The following ZCCHC4 variants were observed in gnomAD, a reference collection of about 807,000 sequenced individuals.
ZCCHC4 encodes rRNA N(6)-adenosine-methyltransferase ZCCHC4.
A neutral mutation model predicts 67.7 loss-of-function variants in ZCCHC4; 54 were observed. The ratio of observed to expected loss-of-function variants is 0.80; its 90% confidence interval spans 0.64 to 1.00. The LOEUF (loss-of-function observed/expected upper bound fraction) is 1.00. Ranked by LOEUF, ZCCHC4 falls within the 50% of genes least tolerant of loss-of-function variation. The pLI is 0.00. For missense variants in ZCCHC4, 609 were observed against 617.0 expected, an observed-to-expected ratio of 0.99 and a Z score of 0.14; for synonymous variants, 198 against 213.5, an observed-to-expected ratio of 0.93 and a Z score of 0.63.
chr4:25,361,762 A>G lies in ZCCHC4; in HGVS notation c.1012-97A>G. The G allele has an allele frequency of 7.2e-6, 9 of 1,249,418 alleles. 1 individual carries two copies. Among genetic ancestry groups the G allele is most frequent in the African/African-American group, 6.0e-5 (4 of 66,618 alleles). 77.4% of individuals were successfully genotyped at this position (1,249,418 alleles called of 1,614,324 possible). On this transcript the variant is annotated intron_variant, in intron 8 of 12. Transcript: ENST00000302874. ...CTTGGCATGACAAATACTTTAACTC[A>G]TATATTGGCATCAGTTTGTTCGTTT...
chr4:25,363,525 G>A (rs1171823607), intron 10 of ZCCHC4, among the ~76,000 whole-genome samples: 2 of 152,044 alleles, frequency 1.3e-5, no homozygotes, highest in East Asian at 3.8e-4. Context: ...GGTCAGAAAG[G>A]GCCTGTGAAG....
intron 3 of ZCCHC4, among the ~76,000 whole-genome samples, chr4:25,330,784 TGG>T (rs1719141089): frequency 3.3e-5 from 5 of 152,216 alleles, no homozygotes; most frequent in Admixed American, 3.3e-4. Flanking sequence ...TCTGGCTTGT[TGG>T]GAGACAAACC....
At chr4:25,368,813 T>C (rs1266918410) in intron 12 of ZCCHC4, among the ~76,000 whole-genome samples, 2 of 152,246 alleles carry the variant, frequency 1.3e-5, no homozygotes, top group African/African-American at 2.4e-5. Flanking sequence ...TAACCATCTT[T>C]TAAAGAATTT....
chr4:25,345,448 G>T, intron 5 of ZCCHC4, 100 bp from the exon 6 acceptor site: 1 of 752,678 alleles, frequency 1.3e-6, no homozygotes, highest in South Asian at 1.8e-5. Context: ...ACTAAAAAAT[G>T]AAATTTTTTA....
At chr4:25,364,745 A>G (rs76000478) in intron 11 of ZCCHC4, among the ~76,000 whole-genome samples, 1,849 of 152,340 alleles carry the variant, frequency 0.012, 47 homozygotes, top group African/African-American at 0.039. Context: ...TTAATAAGGC[A>G]TTGTGTCACT....
intron 3 of ZCCHC4, among the ~76,000 whole-genome samples, chr4:25,319,694 A>G (rs978960667): frequency 1.3e-5 from 2 of 151,998 alleles, no homozygotes; most frequent in African/African-American, 2.4e-5. Context: ...TAAATAACCT[A>G]TTCTCTTTGT....
At chr4:25,329,431 C>T (rs964461220) in intron 3 of ZCCHC4, among the ~76,000 whole-genome samples, 3 of 149,152 alleles carry the variant, frequency 2.0e-5, no homozygotes, top group African/African-American at 7.4e-5. Context: ...CAAAGCTTTT[C>T]GCTTTAGCCC....
At chr4:25,351,777 A>C in intron 8 of ZCCHC4, 88 bp downstream of exon 8, 1 of 1,250,958 alleles carries the variant, frequency 8.0e-7, no homozygotes, top group Non-Finnish European at 1.1e-6. Context: ...TTTTAGTAAA[A>C]TACAATGAGC....
At chr4:25,349,723 G>C in intron 7 of ZCCHC4, 81 bp downstream of exon 7, 1 of 1,439,620 alleles carries the variant, frequency 6.9e-7, no homozygotes, top group African/African-American at 1.4e-5. Flanking sequence ...CAGTGAATCA[G>C]AGCAGTGATA....
At chr4:25,344,379 G>A (rs375541196) in intron 5 of ZCCHC4, among the ~76,000 whole-genome samples, 39 of 146,674 alleles carry the variant, frequency 2.7e-4, no homozygotes, top group Non-Finnish European at 4.5e-4. Flanking sequence ...ACCAAACACC[G>A]CATGTTCTCA....
intron 5 of ZCCHC4, among the ~76,000 whole-genome samples, chr4:25,342,721 T>A (rs144558868): frequency 3.5e-4 from 53 of 152,206 alleles, no homozygotes; most frequent in Non-Finnish European, 6.0e-4. Flanking sequence ...GTTTGCCTTA[T>A]TCAATGGAGA....
intron 3 of ZCCHC4, among the ~76,000 whole-genome samples, chr4:25,324,546 T>C (rs1718760164): frequency 6.6e-6 from 1 of 152,182 alleles, no homozygotes; most frequent in Admixed American, 6.5e-5. Context: ...TATGGACTCA[T>C]GGTTTTATTT....
intron 5 of ZCCHC4, among the ~76,000 whole-genome samples, chr4:25,335,130 A>T (rs1719386822): frequency 6.6e-6 from 1 of 152,212 alleles, no homozygotes. Context: ...ACAGATTTTT[A>T]AAGTGTAAAA....
intron 6 of ZCCHC4, among the ~76,000 whole-genome samples, chr4:25,347,336 TC>T (rs374925198): frequency 8.1e-4 from 124 of 152,358 alleles, no homozygotes; most frequent in Middle Eastern, 3.4e-3. Flanking sequence ...AGCCTTTTTT[TC>T]GAAACTCTTT....
chr4:25,332,213 C>A (rs1157322848), intron 3 of ZCCHC4, among the ~76,000 whole-genome samples: 1 of 148,440 alleles, frequency 6.7e-6, no homozygotes, highest in Non-Finnish European at 1.5e-5. Flanking sequence ...GAGGCCCAGG[C>A]AGGAGAATCA....
chr4:25,327,786 A>C (rs1718968183), intron 3 of ZCCHC4, among the ~76,000 whole-genome samples: 1 of 152,056 alleles, frequency 6.6e-6, no homozygotes, highest in Non-Finnish European at 1.5e-5. Context: ...CCAGCCTGAG[A>C]ATCTTTATCA....
intron 3 of ZCCHC4, among the ~76,000 whole-genome samples, chr4:25,323,160 T>A (rs1323725743): frequency 6.6e-6 from 1 of 152,258 alleles, no homozygotes. Flanking sequence ...TAACTGATGA[T>A]CATTGCCCAG....
rs3752873 is a variant in ZCCHC4, at chr4:25,362,237, C to G, written c.1145C>G (p.Pro382Arg). 1.2e-6 allele frequency: 2 copies of G among 1,610,682 alleles called. No homozygotes were observed. The highest frequency in any genetic ancestry group is 1.7e-6 in the Non-Finnish European group (2 of 1,178,110). ...GTCCTTTACTCTAGATTTTGCTCTC[C>G]GTGTCAACGGTATGTTTCTCTAGAG... ...PTEEGYRFCS[P>R]CQRYVSLENQ... The change falls in exon 10 of 13, where the codon CCG (proline) becomes CGG (arginine). Residue 382 changes from proline (P) to arginine (R), a missense_variant. Pro to Arg is a moderately radical substitution (Grantham distance 103). Coordinates refer to ENST00000302874, the MANE Select transcript of ZCCHC4 (RefSeq NM_024936.3).
chr4:25,329,477 T>G (rs1407578594), intron 3 of ZCCHC4, among the ~76,000 whole-genome samples: 1 of 149,866 alleles, frequency 6.7e-6, no homozygotes, highest in African/African-American at 2.4e-5. Flanking sequence ...GGTGTTTTGT[T>G]TTTTTTTTTT....
Sources: allele counts gnomAD v4.1 joint callset (sites outside exome capture counted in the v4.1 genomes callset), GRCh38; gene constraint gnomAD v4.1.1; transcripts MANE v1.5; gene names NCBI Gene and HGNC (gene_info 2026-07-23, HGNC 2026-07-21).